The following WDR70 variants were observed in gnomAD, a reference collection of about 807,000 sequenced individuals.
The protein encoded by WDR70 is WD repeat domain 70.
Under a neutral mutation model 88.6 loss-of-function variants are expected in WDR70, and 53 were observed. That is an observed-to-expected ratio of 0.60 (90% confidence interval 0.48 to 0.75). The LOEUF is 0.75. WDR70 is among the 30% of genes least tolerant of loss of function. The pLI, the probability that WDR70 is intolerant of heterozygous loss-of-function variation, is 0.00. For missense variants in WDR70, 610 were observed against 823.2 expected, an observed-to-expected ratio of 0.74 and a Z score of 3.17; for synonymous variants, 280 against 270.0, an observed-to-expected ratio of 1.04 and a Z score of -0.36.
intron 8 of WDR70, chr5:37,506,493 T>C: frequency 1.3e-6 from 1 of 769,470 alleles, no homozygotes. Context: ...GACACCTCTG[T>C]TCTTAAGCAT....
At chr5:37,505,711 A>G in intron 8 of WDR70, 1 of 1,050,194 alleles carries the variant, frequency 9.5e-7, no homozygotes, top group Non-Finnish European at 1.5e-6. Context: ...TGCGACATGT[A>G]TAGTGGTGTC....
chr5:37,603,579 A>G (rs1743948882), intron 9 of WDR70, among the ~76,000 whole-genome samples: 1 of 152,232 alleles, frequency 6.6e-6, no homozygotes, highest in African/African-American at 2.4e-5. Flanking sequence ...CCAAAGGCAC[A>G]GGCAATAAAA....
chr5:37,726,839 A>T, intron 16 of WDR70, 44 bp from the exon 17 acceptor site: 1 of 1,552,384 alleles, frequency 6.4e-7, no homozygotes, highest in East Asian at 2.3e-5. Flanking sequence ...ATGTATCCTC[A>T]TGCTCATTCA....
chr5:37,627,261 G>A (rs1744694439), intron 10 of WDR70, among the ~76,000 whole-genome samples: 3 of 151,830 alleles, frequency 2.0e-5, no homozygotes, highest in African/African-American at 7.3e-5. Flanking sequence ...GCTAATTTCT[G>A]TATTTTTCTG....
At chr5:37,723,100 G>A in intron 15 of WDR70, 166 bp downstream of exon 15, 1 of 717,690 alleles carries the variant, frequency 1.4e-6, no homozygotes, top group Non-Finnish European at 2.3e-6. Context: ...TAACCTCTGT[G>A]GCTTCTGTGA....
intron 8 of WDR70, among the ~76,000 whole-genome samples, chr5:37,498,537 C>T (rs73749047): frequency 0.015 from 2,337 of 152,268 alleles, 53 homozygotes; most frequent in African/African-American, 0.053. Flanking sequence ...CTCACCTGCC[C>T]AGTATTACCA....
In WDR70 at chr5:37,398,709, AAAAC is replaced by A. The variant is rs1039021847; in HGVS notation, c.492+2146_492+2149del. ...ATGTGTGTGCATATGTAAAATTAAGAAAACAAACAAGAATAAAATAAGAATAAAT... is the reference window on the plus strand; with the variant it reads ...ATGTGTGTGCATATGTAAAATTAAGAAAACAAGAATAAAATAAGAATAAAT... On this transcript the variant is annotated intron_variant, in intron 5 of 17. Transcript: ENST00000265107. 7.2e-5 allele frequency among the ~76,000 whole-genome samples: 11 copies of A among 152,364 alleles called. No homozygotes were observed. The South Asian group carries it at 1.0e-3, about 14-fold the overall frequency.
intron 9 of WDR70, among the ~76,000 whole-genome samples, chr5:37,562,362 GA>G (rs1032334547): frequency 1.0e-4 from 14 of 139,682 alleles, no homozygotes; most frequent in African/African-American, 2.6e-4. Flanking sequence ...TGTCTCAAAA[GA>G]AAAAAAAAAG....
At chr5:37,738,040 A>AAC (rs1554016026) in intron 17 of WDR70, among the ~76,000 whole-genome samples, 4 of 151,622 alleles carry the variant, frequency 2.6e-5, no homozygotes, top group South Asian at 2.1e-4. Flanking sequence ...AAAAAAAAAA[A>AAC]AAACAAACAA....
chr5:37,562,253 A>G (rs1234040645), intron 9 of WDR70, among the ~76,000 whole-genome samples: 3 of 152,094 alleles, frequency 2.0e-5, no homozygotes, highest in African/African-American at 7.2e-5. Context: ...GCTACTTGGG[A>G]GGCTAAGGCG....
intron 7 of WDR70, among the ~76,000 whole-genome samples, chr5:37,466,819 GA>G (rs1739165613): frequency 6.6e-6 from 1 of 151,322 alleles, no homozygotes; most frequent in African/African-American, 2.4e-5. Context: ...GGATAGCACA[GA>G]TATAAAACAT....
intron 17 of WDR70, among the ~76,000 whole-genome samples, chr5:37,752,144 C>T (rs543846747): frequency 2.7e-4 from 41 of 152,202 alleles, no homozygotes; most frequent in African/African-American, 9.4e-4. Context: ...GTAGTTCGTT[C>T]TTCCATACGG....
At chr5:37,662,740 A>C (rs1745736203) in intron 10 of WDR70, among the ~76,000 whole-genome samples, 1 of 152,228 alleles carries the variant, frequency 6.6e-6, no homozygotes, top group Non-Finnish European at 1.5e-5. Context: ...TCAAATTAAA[A>C]ATAAATGATC....
chr5:37,625,618 G>T (rs988002803), intron 10 of WDR70, among the ~76,000 whole-genome samples: 1 of 151,948 alleles, frequency 6.6e-6, no homozygotes, highest in Non-Finnish European at 1.5e-5. Flanking sequence ...TCCAACTCCC[G>T]GGTTCAAGCA....
intron 9 of WDR70, among the ~76,000 whole-genome samples, chr5:37,523,873 G>C (rs1208245461): frequency 1.3e-5 from 2 of 152,056 alleles, no homozygotes; most frequent in African/African-American, 4.8e-5. Context: ...TGGAATAAAG[G>C]GTATCAGTGA....
intron 5 of WDR70, among the ~76,000 whole-genome samples, chr5:37,431,026 G>A (rs1295388919): frequency 6.6e-6 from 1 of 152,150 alleles, no homozygotes. Flanking sequence ...GCTAATTTTT[G>A]TATTTTTACT....
intron 10 of WDR70, among the ~76,000 whole-genome samples, chr5:37,635,849 G>A (rs895709117): frequency 6.6e-6 from 1 of 152,096 alleles, no homozygotes; most frequent in African/African-American, 2.4e-5. Flanking sequence ...ATTTAATCAT[G>A]CGCGCGGTTA....
intron 8 of WDR70, chr5:37,506,485 C>T: frequency 2.6e-6 from 2 of 768,972 alleles, no homozygotes; most frequent in Middle Eastern, 3.7e-4. Context: ...TTTCCCCAGA[C>T]ACCTCTGTTC....
intron 5 of WDR70, among the ~76,000 whole-genome samples, chr5:37,404,185 T>C (rs557290019): frequency 9.6e-4 from 146 of 152,318 alleles, no homozygotes; most frequent in African/African-American, 3.4e-3. Flanking sequence ...TTATTTATAA[T>C]AAAAGGCTCC....
Sources: allele counts gnomAD v4.1 joint callset (sites outside exome capture counted in the v4.1 genomes callset), GRCh38; gene constraint gnomAD v4.1.1; transcripts MANE v1.5; gene names NCBI Gene and HGNC (gene_info 2026-07-23, HGNC 2026-07-21).